The following NCKAP5 variants were observed in gnomAD, a reference collection of about 807,000 sequenced individuals.
NCKAP5 encodes NCK associated protein 5.
Under a neutral mutation model 167.0 loss-of-function variants are expected in NCKAP5, and 92 were observed. That is an observed-to-expected ratio of 0.55 (90% confidence interval 0.47 to 0.66). The LOEUF is 0.66. Ranked by LOEUF, NCKAP5 falls within the 30% of genes least tolerant of loss-of-function variation. The probability of loss-of-function intolerance (pLI) is 0.00; values close to 1 mark genes in which losing one functional copy is unlikely to be tolerated. For missense variants in NCKAP5, 2,378 were observed against 2,315.0 expected, an observed-to-expected ratio of 1.03 and a Z score of -0.56; for synonymous variants, 891 against 877.4, an observed-to-expected ratio of 1.02 and a Z score of -0.27.
At chr2:133,521,895 A>T (rs936731254) in intron 2 of NCKAP5, among the ~76,000 whole-genome samples, 3 of 152,118 alleles carry the variant, frequency 2.0e-5, no homozygotes, top group African/African-American at 7.2e-5. Flanking sequence ...TAAGTCTAAA[A>T]AACTAAGGGA....
chr2:132,696,617 C>A (rs757943823), intron 19 of NCKAP5, among the ~76,000 whole-genome samples: 252 of 152,244 alleles, frequency 1.7e-3, no homozygotes, highest in Middle Eastern at 3.4e-3. Context: ...AGCCTGTAGT[C>A]TTTTCACTCG....
At chr2:133,443,089 C>T (rs1690957954) in intron 3 of NCKAP5, among the ~76,000 whole-genome samples, 1 of 152,198 alleles carries the variant, frequency 6.6e-6, no homozygotes, top group South Asian at 2.1e-4. Context: ...AATACAAAAA[C>T]GAAACCTAAA....
At chr2:133,329,393 G>A (rs1682678139) in intron 3 of NCKAP5, among the ~76,000 whole-genome samples, 2 of 152,016 alleles carry the variant, frequency 1.3e-5, no homozygotes, top group Admixed American at 6.6e-5. Context: ...AGTTGGCCTA[G>A]CAAAAAAAGA....
chr2:132,993,321 T>A (rs1013061475), intron 7 of NCKAP5, among the ~76,000 whole-genome samples: 5 of 152,208 alleles, frequency 3.3e-5, no homozygotes, highest in Admixed American at 6.5e-5. Flanking sequence ...GCTGTTTCTA[T>A]TGTATTTCCC....
At chr2:133,141,795 T>C (rs1273519096) in intron 5 of NCKAP5, among the ~76,000 whole-genome samples, 1 of 152,222 alleles carries the variant, frequency 6.6e-6, no homozygotes, top group Non-Finnish European at 1.5e-5. Flanking sequence ...CATAGCCAGC[T>C]TCCATTATTT....
chr2:132,684,130 T>C lies in NCKAP5; in HGVS notation c.5714-10825A>G, dbSNP rs183359683. On this transcript the variant is annotated intron_variant, in intron 19 of 19. Transcript: ENST00000409261. ...CCATTTGCTACAATAAAAATAAACT[T>C]CATTTTTGTCTCACATGCACAGGAC... 2.1e-4 allele frequency among the ~76,000 whole-genome samples: 32 copies of C among 152,354 alleles called. 1 individual carries two copies. In the East Asian group the frequency reaches 5.8e-3, roughly 28 times the overall value.
chr2:133,642,288 C>T, the NCKAP5 span, among the ~76,000 whole-genome samples: 1 of 152,154 alleles, frequency 6.6e-6, no homozygotes, highest in African/African-American at 2.4e-5. Context: ...GCACCACCTC[C>T]CAATACTGCA....
At chr2:132,835,149 C>T (rs1030883343) in intron 11 of NCKAP5, among the ~76,000 whole-genome samples, 4 of 152,122 alleles carry the variant, frequency 2.6e-5, no homozygotes, top group Non-Finnish European at 5.9e-5. Context: ...ATCCTTGCAT[C>T]CCTGGTATAA....
chr2:133,236,262 T>A (rs1388566431), intron 4 of NCKAP5, among the ~76,000 whole-genome samples: 1 of 152,052 alleles, frequency 6.6e-6, no homozygotes, highest in Non-Finnish European at 1.5e-5. Context: ...TATGCACTGA[T>A]CAGCTAAAAA....
chr2:132,978,751 T>A (rs1314689457), intron 7 of NCKAP5, among the ~76,000 whole-genome samples: 1 of 152,172 alleles, frequency 6.6e-6, no homozygotes, highest in African/African-American at 2.4e-5. Flanking sequence ...AAATGTGAGA[T>A]TATCCAACCT....
chr2:133,262,629 A>G (rs1370479285), intron 4 of NCKAP5, among the ~76,000 whole-genome samples: 1 of 152,232 alleles, frequency 6.6e-6, no homozygotes, highest in East Asian at 1.9e-4. Context: ...AATATCCAGG[A>G]AGCAATCCCC....
chr2:133,262,251 A>G lies in NCKAP5; in HGVS notation c.143+40786T>C, dbSNP rs1454895946. 2.6e-5 allele frequency among the ~76,000 whole-genome samples: 4 copies of G among 152,188 alleles called. No individual in the cohort carries two copies. The South Asian group carries it at 6.2e-4, about 24-fold the overall frequency. Reference sequence around the variant, plus strand: ...GGAATCAGGCTTTGAGTTCAGACCTACATGTTCCCAAGTTTGAAGGAGTAA... The same window carrying G: ...GGAATCAGGCTTTGAGTTCAGACCTGCATGTTCCCAAGTTTGAAGGAGTAA... On this transcript the variant is annotated intron_variant, in intron 4 of 19. Transcript: ENST00000409261.
chr2:132,855,161 CAA>C (rs756865489), intron 11 of NCKAP5, among the ~76,000 whole-genome samples: 8 of 152,238 alleles, frequency 5.3e-5, no homozygotes, highest in Admixed American at 4.6e-4. Context: ...TGTGATTTTT[CAA>C]AGTGTCCCTT....
At chr2:133,095,292 A>G (rs945829166) in intron 6 of NCKAP5, among the ~76,000 whole-genome samples, 4 of 152,344 alleles carry the variant, frequency 2.6e-5, no homozygotes, top group Non-Finnish European at 4.4e-5. Context: ...ATTCCATAGT[A>G]TGTGGTAAAC....
the NCKAP5 span, among the ~76,000 whole-genome samples, chr2:133,579,031 A>G: frequency 7.7e-4 from 118 of 152,364 alleles, no homozygotes; most frequent in African/African-American, 2.6e-3. Context: ...GCCAGGTAAT[A>G]ATAACAGTAA....
intron 3 of NCKAP5, among the ~76,000 whole-genome samples, chr2:133,480,236 G>A (rs1680304826): frequency 6.6e-6 from 1 of 152,024 alleles, no homozygotes; most frequent in Admixed American, 6.6e-5. Context: ...CTGGCCTAGG[G>A]AATTAGAATT....
At chr2:133,426,004 G>A (rs1244979137) in intron 3 of NCKAP5, among the ~76,000 whole-genome samples, 1 of 152,184 alleles carries the variant, frequency 6.6e-6, no homozygotes, top group Non-Finnish European at 1.5e-5. Flanking sequence ...AGGCACGGTG[G>A]CTCATGCCTG....
chr2:133,126,301 T>C (rs573156922), intron 6 of NCKAP5, among the ~76,000 whole-genome samples: 1 of 152,272 alleles, frequency 6.6e-6, no homozygotes, highest in African/African-American at 2.4e-5. Flanking sequence ...AACATACCAA[T>C]AAAACACATC....
intron 5 of NCKAP5, among the ~76,000 whole-genome samples, chr2:133,167,770 C>T (rs2084060826): frequency 6.6e-6 from 1 of 152,158 alleles, no homozygotes; most frequent in East Asian, 1.9e-4. Context: ...GTCATTTGAT[C>T]ACATGATCTC....
Sources: gnomAD v4.1 joint callset for allele counts (sites outside exome capture counted in the v4.1 genomes callset) on GRCh38, gnomAD v4.1.1 for gene constraint, MANE v1.5 for transcripts, NCBI Gene and HGNC (gene_info 2026-07-23, HGNC 2026-07-21) for gene names.